The following PDIA5 variants were observed in gnomAD, a reference collection of about 807,000 sequenced individuals.
PDIA5 encodes protein disulfide-isomerase A5.
Under a neutral mutation model 77.6 loss-of-function variants are expected in PDIA5, and 58 were observed. That is an observed-to-expected ratio of 0.75 (90% CI 0.61 to 0.93). The LOEUF (loss-of-function observed/expected upper bound fraction) is 0.93, where lower values mean the gene tolerates loss of function less well. Among genes scored for constraint, PDIA5 ranks in the 40% least tolerant of loss-of-function variants. The pLI is 0.00. For missense variants in PDIA5, 630 were observed against 647.7 expected (o/e 0.97, Z 0.30); for synonymous variants, 250 against 252.1 (o/e 0.99, Z 0.08).
At chr3:123,092,296 G>A in intron 2 of PDIA5, 59 bp from the exon 3 acceptor site, 1 of 1,376,420 alleles carries the variant, frequency 7.3e-7, no homozygotes, top group Non-Finnish European at 1.0e-6. Flanking sequence ...AGGGAAGATA[G>A]CAGACATGAC....
chr3:123,132,386 AGACTCTAAAGGAATAGCTCTAAAG>A (rs1468111067), intron 11 of PDIA5, among the ~76,000 whole-genome samples: 1 of 152,226 alleles, frequency 6.6e-6, no homozygotes, highest in Non-Finnish European at 1.5e-5. Flanking sequence ...AATTCTTAGG[AGACTCTAAAGGAATAGCTCTAAAG>A]GACTCTAAAG....
At chr3:123,147,857 G>A (rs577704016) in intron 13 of PDIA5, among the ~76,000 whole-genome samples, 16 of 152,300 alleles carry the variant, frequency 1.1e-4, no homozygotes, top group African/African-American at 3.8e-4. Flanking sequence ...ACTGGGTGGG[G>A]CGGGGGATCT....
intron 11 of PDIA5, among the ~76,000 whole-genome samples, chr3:123,131,868 A>G (rs896633817): frequency 2.0e-5 from 3 of 151,980 alleles, no homozygotes; most frequent in African/African-American, 7.3e-5. Flanking sequence ...AGGTGTGGGC[A>G]CAGAGTGTTG....
chr3:123,070,065 G>A (rs547633464), intron 1 of PDIA5, among the ~76,000 whole-genome samples: 113 of 150,998 alleles, frequency 7.5e-4, no homozygotes, highest in African/African-American at 2.6e-3. Flanking sequence ...ACTCCAGCCT[G>A]GGGGATGGAG....
chr3:123,134,111 C>A (rs1348895368), intron 11 of PDIA5, among the ~76,000 whole-genome samples: 1 of 152,088 alleles, frequency 6.6e-6, no homozygotes, highest in Non-Finnish European at 1.5e-5. Context: ...GCAGCCTCGA[C>A]CTCCTGGACC....
In PDIA5 at chr3:123,151,734, T is replaced by TG. The variant is rs1553805734; in HGVS notation, c.1273+1370_1273+1371insG. 1.8e-4 allele frequency among the ~76,000 whole-genome samples: 20 copies of TG among 111,516 alleles called. No homozygotes were observed. In the East Asian group the frequency reaches 2.1e-3, roughly 11 times the overall value. The allele number at this position is 111,516 out of a possible 152,430, so 73.2% of individuals were successfully genotyped here. On this transcript the variant is annotated intron_variant, in intron 14 of 16. Coordinates refer to ENST00000316218, the MANE Select transcript of PDIA5 (RefSeq NM_006810.4). ...TGCCAAAGATCTACAACTCCTTCCT[T>TG]CCTGCCTGCCTGCCTGCCTGCCTGC...
chr3:123,118,959 A>G (rs1340018581), intron 8 of PDIA5, among the ~76,000 whole-genome samples: 6 of 152,230 alleles, frequency 3.9e-5, no homozygotes, highest in African/African-American at 1.4e-4. Context: ...TGTTCAGAAT[A>G]TAAGCTTCCA....
At chr3:123,135,236 C>T (rs1458258239) in intron 11 of PDIA5, among the ~76,000 whole-genome samples, 1 of 152,174 alleles carries the variant, frequency 6.6e-6, no homozygotes, top group Non-Finnish European at 1.5e-5. Context: ...GAAGGACAAG[C>T]TGCTGTGGCA....
chr3:123,156,604 AAT>A (rs1167574512), intron 15 of PDIA5, among the ~76,000 whole-genome samples: 1 of 152,098 alleles, frequency 6.6e-6, no homozygotes, highest in Non-Finnish European at 1.5e-5. Context: ...TGCCACCCAG[AAT>A]GCTGGGTGCT....
intron 1 of PDIA5, among the ~76,000 whole-genome samples, chr3:123,070,938 T>TTTTG (rs1250732820): frequency 6.6e-6 from 1 of 152,132 alleles, no homozygotes; most frequent in African/African-American, 2.4e-5. Flanking sequence ...TGGTGTATTT[T>TTTTG]TTTGTTTGTT....
intron 13 of PDIA5, among the ~76,000 whole-genome samples, chr3:123,147,977 A>T (rs1223914454): frequency 6.6e-6 from 1 of 152,180 alleles, no homozygotes; most frequent in Non-Finnish European, 1.5e-5. Flanking sequence ...AGCGAGCATG[A>T]GGGGCCTCTG....
intron 15 of PDIA5, among the ~76,000 whole-genome samples, chr3:123,156,747 C>A (rs1034620957): frequency 6.6e-6 from 1 of 152,146 alleles, no homozygotes; most frequent in Non-Finnish European, 1.5e-5. Flanking sequence ...CTTGCCCTCC[C>A]AGCCATGCTG....
At chr3:123,127,417 G>C (rs1030102467) in intron 10 of PDIA5, among the ~76,000 whole-genome samples, 3 of 152,146 alleles carry the variant, frequency 2.0e-5, no homozygotes, top group Non-Finnish European at 4.4e-5. Context: ...ATGATATCTA[G>C]GAGCATTTGG....
chr3:123,141,656 G>A (rs1366061804), intron 11 of PDIA5, among the ~76,000 whole-genome samples: 1 of 152,224 alleles, frequency 6.6e-6, no homozygotes, highest in Non-Finnish European at 1.5e-5. Flanking sequence ...GCTTGGGGTT[G>A]CCCCCGGGGC....
At chr3:123,085,055 C>T (rs917925486) in intron 1 of PDIA5, among the ~76,000 whole-genome samples, 2 of 152,214 alleles carry the variant, frequency 1.3e-5, no homozygotes, top group African/African-American at 4.8e-5. Context: ...AGCCCAGACA[C>T]CCCCTGAGCT....
Position 123,089,211 on chromosome 3 carries a change from T to G in PDIA5, c.86T>G (p.Leu29Arg), listed in dbSNP as rs1217323230. 6.2e-7 allele frequency: 1 copy of G among 1,613,930 alleles called. No individual in the cohort carries two copies. Among genetic ancestry groups the G allele is most frequent in the South Asian group, 1.1e-5 (1 of 91,072 alleles). ...CTGTCCTCTGCAAAGGTCTCCTCGC[T>G]CATTGAGAGAATCTCTGACCCCAAG... Reference protein sequence around the residue: ...SWLSSAKVSSLIERISDPKDL... With the variant: ...SWLSSAKVSSRIERISDPKDL... The change falls in exon 2 of 17, where the codon CTC (leucine) becomes CGC (arginine). Residue 29 changes from leucine to arginine, a missense_variant. Physicochemically the swap from Leu to Arg is moderately radical, Grantham distance 102. Transcript: ENST00000316218.
intron 11 of PDIA5, among the ~76,000 whole-genome samples, chr3:123,135,152 G>A (rs1238953072): frequency 6.6e-6 from 1 of 152,238 alleles, no homozygotes; most frequent in African/African-American, 2.4e-5. Context: ...AAGTCAGAGT[G>A]TGTGTGGCCA....
intron 10 of PDIA5, among the ~76,000 whole-genome samples, chr3:123,126,575 T>C (rs702028): frequency 0.71 from 107,616 of 152,172 alleles, 39,063 homozygotes; most frequent in Non-Finnish European, 0.8. Flanking sequence ...TACATAGATC[T>C]AGCTCTGCAT....
At chr3:123,146,860 A>G (rs1935784134) in intron 13 of PDIA5, among the ~76,000 whole-genome samples, 2 of 152,342 alleles carry the variant, frequency 1.3e-5, no homozygotes, top group Middle Eastern at 6.8e-3. Flanking sequence ...TTAGTCACCC[A>G]GGCTGGAGGC....
Sources: allele counts gnomAD v4.1 joint callset (sites outside exome capture counted in the v4.1 genomes callset), GRCh38; gene constraint gnomAD v4.1.1; transcripts MANE v1.5; gene names NCBI Gene and HGNC (gene_info 2026-07-23, HGNC 2026-07-21).